Variants in SPTAN1 observed in about 807,000 individuals in gnomAD.
SPTAN1 encodes spectrin alpha, non-erythrocytic 1.
In SPTAN1, 61 loss-of-function variants were observed where a neutral mutation model predicts 331.3. That is an observed-to-expected ratio of 0.18 (90% confidence interval 0.15 to 0.23). The LOEUF (loss-of-function observed/expected upper bound fraction) is 0.23, where lower values mean the gene tolerates loss of function less well. SPTAN1 is among the 10% of genes least tolerant of loss of function. SPTAN1 has a pLI of 1.00. For missense variants in SPTAN1, 2,043 were observed against 3,147.9 expected (o/e 0.65, Z 8.40); for synonymous variants, 1,153 against 1,173.9 (o/e 0.98, Z 0.36).
chr9:128,554,938 T>C (rs1848475430), intron 1 of SPTAN1, among the ~76,000 whole-genome samples: 1 of 152,262 alleles, frequency 6.6e-6, no homozygotes, highest in Non-Finnish European at 1.5e-5. Flanking sequence ...AGTTCTACTT[T>C]GTGGCAATTT....
At position 128,611,246 on chromosome 9, in the gene SPTAN1, G is replaced by A. The variant is rs542031370; in HGVS notation, c.4774-468G>A. Among the ~76,000 whole-genome samples the A allele has an allele frequency of 7.2e-5, 11 of 152,276 alleles. No homozygotes were observed. In the South Asian group the frequency reaches 2.1e-3, roughly 29 times the overall value. ...GAACTTTGGGAGGCCAATGTGGCTC[G>A]ATTGCTTGAGCTCGGGAGTTCAAGA... On this transcript the variant is annotated intron_variant, in intron 37 of 56. Transcript: ENST00000372739.
At chr9:128,630,760 A>G (rs1859581875) in intron 52 of SPTAN1, 1 of 271,496 alleles carries the variant, frequency 3.7e-6, no homozygotes, top group African/African-American at 2.2e-5. Flanking sequence ...CTGGAGTGCA[A>G]TGGACGTGGT....
At chr9:128,616,565 G>A (rs1369183058) in intron 41 of SPTAN1, among the ~76,000 whole-genome samples, 6 of 150,688 alleles carry the variant, frequency 4.0e-5, no homozygotes, top group Admixed American at 2.6e-4. Context: ...TCAGGAGTTC[G>A]AGACCAGCCT....
In SPTAN1 at chr9:128,608,855, T is replaced by C. The variant is rs766385606; in HGVS notation, c.4492-19T>C. 1 of 1,612,932 alleles carries C rather than the reference T, an allele frequency of 6.2e-7. No homozygotes were observed. Among genetic ancestry groups the C allele is most frequent in the Non-Finnish European group, 8.5e-7 (1 of 1,179,692 alleles). ...CAGCCACAGGCCCACCTTGATCTCATGCCTTTGTTTTCTGACAGGAAGAGA... is the reference window on the plus strand; with the variant it reads ...CAGCCACAGGCCCACCTTGATCTCACGCCTTTGTTTTCTGACAGGAAGAGA... On this transcript the variant is annotated intron_variant, in intron 34 of 56. Coordinates refer to ENST00000372739, the MANE Select transcript of SPTAN1 (RefSeq NM_001130438.3).
Position 128,553,962 on chromosome 9 carries a change from A to G in SPTAN1, c.-4+1266A>G, listed in dbSNP as rs116798421. ...AACAGAAAATCTTGGAAATAGCAGG[A>G]GGAACACTCAGCTATATGAAGCCAT... On this transcript the variant is annotated intron_variant, in intron 1 of 56. Transcript: ENST00000372739. 6.6e-3 allele frequency among the ~76,000 whole-genome samples: 1,012 copies of G among 152,298 alleles called. 10 individuals are homozygous for G. The highest frequency in any genetic ancestry group is 0.023 in the African/African-American group (942 of 41,558).
chr9:128,618,697 A>C (rs552805006), intron 43 of SPTAN1, among the ~76,000 whole-genome samples, 174 bp from the exon 44 acceptor site: 104 of 151,976 alleles, frequency 6.8e-4, no homozygotes, highest in African/African-American at 2.5e-3. Context: ...CTTAGCCAGG[A>C]TGGTCTCGAT....
rs1850084906 is a variant in SPTAN1, at chr9:128,566,758, C to T, written c.18C>T (p.Val6=). The T allele has an allele frequency of 1.2e-6, 2 of 1,614,092 alleles. No homozygotes were observed. Among genetic ancestry groups the T allele is most frequent in the Non-Finnish European group, 1.7e-6 (2 of 1,180,036 alleles). Reference sequence around the variant, plus strand: ...TTCAGAAAATGGACCCAAGTGGGGTCAAAGTGCTGGAAACAGCAGAGGACA... The same window carrying T: ...TTCAGAAAATGGACCCAAGTGGGGTTAAAGTGCTGGAAACAGCAGAGGACA... MDPSG[V]KVLETAEDIQ... The change falls in exon 2 of 57, where the codon GTC becomes GTT. Residue 6 remains valine, a synonymous_variant. Coordinates refer to ENST00000372739, the MANE Select transcript of SPTAN1 (RefSeq NM_001130438.3).
chr9:128,633,560 C>T lies in SPTAN1; in HGVS notation c.*226C>T. The T allele has an allele frequency of 9.4e-7, 1 of 1,066,422 alleles. No homozygotes were observed. The highest frequency in any genetic ancestry group is 1.4e-6 in the Non-Finnish European group (1 of 728,380). The allele number at this position is 1,066,422 out of a possible 1,614,324, so 66.1% of individuals were successfully genotyped here. A position where few individuals can be genotyped will look rare whatever the true frequency, so the allele number is the denominator to read the frequency against. The stretch of plus-strand genomic sequence containing the variant: ...CTTGAAGCAGCTGCCCTCATTCCGA[C>T]TTCAGAAAATCGAAGCAGCTGGCTC... On this transcript the variant is annotated 3_prime_UTR_variant, in exon 57 of 57. Coordinates refer to ENST00000372739, the MANE Select transcript of SPTAN1 (RefSeq NM_001130438.3).
intron 45 of SPTAN1, among the ~76,000 whole-genome samples, chr9:128,622,293 CTT>C (rs35122170): frequency 1.1e-5 from 1 of 91,502 alleles, no homozygotes; most frequent in Non-Finnish European, 2.0e-5. Flanking sequence ...GAGCCAGCTG[CTT>C]TTTTTTTTTT....
chr9:128,586,649 A>G (rs1852677371), intron 19 of SPTAN1, among the ~76,000 whole-genome samples: 1 of 152,146 alleles, frequency 6.6e-6, no homozygotes, highest in South Asian at 2.1e-4. Flanking sequence ...GTGCGCACAT[A>G]TACCCACATA....
chr9:128,615,812 G>A lies in SPTAN1; in HGVS notation c.5329G>A (p.Asp1777Asn). 6.2e-7 allele frequency: 1 copy of A among 1,614,230 alleles called. No individual in the cohort carries two copies. Among genetic ancestry groups the A allele is most frequent in the Non-Finnish European group, 8.5e-7 (1 of 1,180,044 alleles). ...CCATCGCCTGCACCAGTTCTTCCGG[G>A]ACATGGATGACGAGGAGTCCTGGAT... Reference protein sequence around the residue: ...ESHRLHQFFRDMDDEESWIKE... With the variant: ...ESHRLHQFFRNMDDEESWIKE... The change falls in exon 41 of 57, where the codon GAC (aspartate) becomes AAC (asparagine). Residue 1777 changes from aspartate to asparagine, a missense_variant. Transcript: ENST00000372739.
At chr9:128,631,833 A>G in intron 52 of SPTAN1, 1 of 414,502 alleles carries the variant, frequency 2.4e-6, no homozygotes, top group Non-Finnish European at 4.4e-6. Context: ...AATTTATAAA[A>G]ATCTTTGGCC....
intron 1 of SPTAN1, among the ~76,000 whole-genome samples, chr9:128,566,107 A>AGC (rs1850005603): frequency 1.3e-5 from 2 of 152,294 alleles, no homozygotes; most frequent in African/African-American, 4.8e-5. Flanking sequence ...CCCAGGGCGG[A>AGC]GCGCAGTGGT....
At chr9:128,612,361 A>C in intron 39 of SPTAN1, 115 bp downstream of exon 39, 1 of 1,321,104 alleles carries the variant, frequency 7.6e-7, no homozygotes, top group Non-Finnish European at 1.1e-6. Flanking sequence ...ACCCCTTTTG[A>C]CAGAAACCCT....
At position 128,607,908 on chromosome 9, in the gene SPTAN1, T is replaced by C; in HGVS notation, c.4203T>C (p.Phe1401=). 6.2e-7 allele frequency: 1 copy of C among 1,614,072 alleles called. No individual in the cohort carries two copies. Among genetic ancestry groups the C allele is most frequent in the Non-Finnish European group, 8.5e-7 (1 of 1,180,018 alleles). The change falls in exon 33 of 57, where the codon TTT becomes TTC. Residue 1401 remains phenylalanine (F), a synonymous_variant. Transcript: ENST00000372739. The part of the protein sequence containing the change: ...RAGTFQAFEQ[F]GQQLLAHGHY... Reference sequence around the variant, plus strand: ...GCACTTTCCAGGCATTTGAGCAGTTTGGACAGCAGCTGTTGGCTCACGGAC... The same window carrying C: ...GCACTTTCCAGGCATTTGAGCAGTTCGGACAGCAGCTGTTGGCTCACGGAC...
intron 3 of SPTAN1, 130 bp from the exon 4 acceptor site, chr9:128,574,545 A>T: frequency 2.8e-6 from 3 of 1,088,154 alleles, no homozygotes; most frequent in Non-Finnish European, 2.7e-6. Context: ...CTCTCAGTTT[A>T]GGGATTATCT....
At chr9:128,581,576 G>A (rs1462815155) in intron 11 of SPTAN1, among the ~76,000 whole-genome samples, 2 of 152,080 alleles carry the variant, frequency 1.3e-5, no homozygotes, top group African/African-American at 2.4e-5. Flanking sequence ...TCAATAGAAT[G>A]TGGAATAGGA....
chr9:128,578,878 T>C (rs1373056039), intron 9 of SPTAN1, among the ~76,000 whole-genome samples: 1 of 149,790 alleles, frequency 6.7e-6, no homozygotes, highest in Admixed American at 6.6e-5. Context: ...TTTAATGTGC[T>C]AGATACAAAA....
intron 5 of SPTAN1, 34 bp downstream of exon 5, chr9:128,575,379 A>T (rs1178397356): frequency 3.0e-5 from 48 of 1,604,820 alleles, no homozygotes; most frequent in Non-Finnish European, 4.0e-5. Flanking sequence ...TTCTCACAAC[A>T]TTATTATGTT....
Sources: gnomAD v4.1 joint callset for allele counts (sites outside exome capture counted in the v4.1 genomes callset) on GRCh38, gnomAD v4.1.1 for gene constraint, MANE v1.5 for transcripts, NCBI Gene and HGNC (gene_info 2026-07-23, HGNC 2026-07-21) for gene names.